The following CCDC12 variants were observed in gnomAD, a reference collection of about 807,000 sequenced individuals.
The protein encoded by CCDC12 is coiled-coil domain containing 12, also known as coiled-coil domain-containing protein 12.
Under a neutral mutation model 25.7 loss-of-function variants are expected in CCDC12, and 28 were observed. The observed-to-expected ratio is 1.09, with a 90% CI of 0.81 to 1.50. The LOEUF is 1.50. Ranked by LOEUF, CCDC12 falls within the 40% of genes most tolerant of loss-of-function variation. The probability of loss-of-function intolerance (pLI) is 0.00; values close to 1 mark genes in which losing one functional copy is unlikely to be tolerated. For missense variants in CCDC12, 198 were observed against 210.0 expected (o/e 0.94, Z 0.35); for synonymous variants, 75 against 87.7 (o/e 0.86, Z 0.81).
At chr3:46,926,929 G>A (rs565709405) in intron 2 of CCDC12, among the ~76,000 whole-genome samples, 1 of 152,212 alleles carries the variant, frequency 6.6e-6, no homozygotes, top group South Asian at 2.1e-4. Context: ...CTCAGGCCCT[G>A]CAAAAGCAAG....
chr3:46,925,139 C>A, intron 3 of CCDC12: 1 of 509,442 alleles, frequency 2.0e-6, no homozygotes, highest in Non-Finnish European at 3.8e-6. Flanking sequence ...GCCCCATGAC[C>A]ACATCCACTT....
chr3:46,959,151 G>C (rs1370491324), intron 1 of CCDC12, among the ~76,000 whole-genome samples: 2 of 152,058 alleles, frequency 1.3e-5, no homozygotes, highest in East Asian at 1.9e-4. Flanking sequence ...TTTTTTGTGG[G>C]GGGAAATACT....
chr3:46,976,319 G>T, intron 1 of CCDC12: 1 of 1,252,774 alleles, frequency 8.0e-7, no homozygotes, highest in Non-Finnish European at 1.0e-6. Context: ...AACCCAACAA[G>T]CATCTGAACC....
intron 1 of CCDC12, among the ~76,000 whole-genome samples, chr3:46,944,803 T>C (rs899452246): frequency 6.6e-6 from 1 of 152,068 alleles, no homozygotes; most frequent in African/African-American, 2.4e-5. Context: ...CCTGGCCTCC[T>C]CTTCAAAGAT....
At chr3:46,980,553 G>A (rs2035255721), upstream of CCDC12, among the ~76,000 whole-genome samples, 1 of 147,328 alleles carries the variant, frequency 6.8e-6, no homozygotes, top group Non-Finnish European at 1.5e-5. Flanking sequence ...AGGAGCAGAA[G>A]AAAAGGTTTT....
intron 1 of CCDC12, among the ~76,000 whole-genome samples, chr3:46,968,498 TAGAC>T (rs1460493259): frequency 6.6e-6 from 1 of 152,218 alleles, no homozygotes; most frequent in Non-Finnish European, 1.5e-5. Flanking sequence ...AGACACTTCA[TAGAC>T]AGCATCTTTC....
intron 1 of CCDC12, among the ~76,000 whole-genome samples, chr3:46,941,421 T>C (rs1267652705): frequency 6.6e-6 from 1 of 151,986 alleles, no homozygotes; most frequent in Admixed American, 6.5e-5. Flanking sequence ...AAAAATTAGC[T>C]GGGCGTGGTA....
At chr3:46,935,326 C>T (rs1029662801) in intron 2 of CCDC12, among the ~76,000 whole-genome samples, 6 of 152,062 alleles carry the variant, frequency 3.9e-5, no homozygotes, top group South Asian at 2.1e-4. Flanking sequence ...TAGGAGGAGG[C>T]GAGTGCTCCT....
At chr3:46,975,205 G>A (rs74947024) in intron 1 of CCDC12, among the ~76,000 whole-genome samples, 1 of 138,664 alleles carries the variant, frequency 7.2e-6, no homozygotes, top group Non-Finnish European at 1.6e-5. Flanking sequence ...TTTTTTTTTT[G>A]AGACCAGTCT....
chr3:46,959,046 A>C (rs925489443), intron 1 of CCDC12, among the ~76,000 whole-genome samples: 2 of 111,080 alleles, frequency 1.8e-5, no homozygotes, highest in African/African-American at 5.3e-5. Context: ...ACAATCTGAG[A>C]AGTAAAGGTA....
intron 1 of CCDC12, among the ~76,000 whole-genome samples, chr3:46,948,905 G>A (rs1022373577): frequency 2.0e-5 from 3 of 152,216 alleles, no homozygotes; most frequent in Non-Finnish European, 4.4e-5. Flanking sequence ...TTTATCAGTC[G>A]ACAAATACTG....
intron 1 of CCDC12, 194 bp downstream of exon 1, chr3:46,976,443 A>T (rs536704505): frequency 7.1e-7 from 1 of 1,418,184 alleles, no homozygotes; most frequent in East Asian, 2.6e-5. Flanking sequence ...CGACCGCACC[A>T]GCGCCAGAGG....
chr3:46,969,718 C>G (rs1044177714), intron 1 of CCDC12, among the ~76,000 whole-genome samples: 16 of 152,192 alleles, frequency 1.1e-4, no homozygotes, highest in African/African-American at 3.9e-4. Context: ...TGATGGTCAT[C>G]TGGGTTTCCA....
intron 1 of CCDC12, among the ~76,000 whole-genome samples, chr3:46,957,956 T>C (rs374958570): frequency 3.2e-5 from 1 of 30,990 alleles, no homozygotes; most frequent in Admixed American, 4.0e-4. Context: ...AATAAAAAAA[T>C]AAATACACAC....
intron 1 of CCDC12, among the ~76,000 whole-genome samples, chr3:46,941,328 C>T (rs1046553891): frequency 1.3e-4 from 20 of 152,248 alleles, no homozygotes; most frequent in South Asian, 2.1e-4. Flanking sequence ...TTCAGGAGGC[C>T]GAGGTGGGCG....
chr3:46,961,063 G>T (rs1315594666), intron 1 of CCDC12, among the ~76,000 whole-genome samples: 1 of 151,846 alleles, frequency 6.6e-6, no homozygotes, highest in Non-Finnish European at 1.5e-5. Flanking sequence ...GTAGGGCCTG[G>T]GGTGTGTGGT....
intron 2 of CCDC12, among the ~76,000 whole-genome samples, chr3:46,935,318 G>A (rs2033399357): frequency 6.6e-6 from 1 of 152,126 alleles, no homozygotes; most frequent in Non-Finnish European, 1.5e-5. Context: ...TTCTGGCATA[G>A]GAGGAGGCGA....
At chr3:46,937,167 G>A (rs1405122251) in intron 2 of CCDC12, among the ~76,000 whole-genome samples, 1 of 152,116 alleles carries the variant, frequency 6.6e-6, no homozygotes, top group Non-Finnish European at 1.5e-5. Context: ...GGGCCCCCAG[G>A]GACACTGTGT....
chr3:46,964,434 C>G (rs2034576587), intron 1 of CCDC12, among the ~76,000 whole-genome samples: 1 of 152,250 alleles, frequency 6.6e-6, no homozygotes, highest in African/African-American at 2.4e-5. Flanking sequence ...ACCCGGCCAC[C>G]ACCCGTCTGG....
Sources: gnomAD v4.1 joint callset for allele counts (sites outside exome capture counted in the v4.1 genomes callset) on GRCh38, gnomAD v4.1.1 for gene constraint, MANE v1.5 for transcripts, NCBI Gene and HGNC (gene_info 2026-07-23, HGNC 2026-07-21) for gene names.